Variants in CSMD1 observed in about 807,000 individuals in gnomAD.
CSMD1 encodes CUB and sushi domain-containing protein 1.
In CSMD1, 213 loss-of-function variants were observed where a neutral mutation model predicts 417.5. The ratio of observed to expected loss-of-function variants is 0.51; its 90% confidence interval spans 0.46 to 0.57. The LOEUF is 0.57. CSMD1 is among the 20% of genes least tolerant of loss of function. The probability of loss-of-function intolerance (pLI) is 0.00; values close to 1 mark genes in which losing one functional copy is unlikely to be tolerated. For missense variants in CSMD1, 6,923 were observed against 4,529.7 expected (o/e 1.53, Z -15.17); for synonymous variants, 2,862 against 1,736.8 (o/e 1.65, Z -16.11).
At chr8:4,739,737 G>A (rs187781723) in intron 1 of CSMD1, among the ~76,000 whole-genome samples, 7 of 152,138 alleles carry the variant, frequency 4.6e-5, no homozygotes, top group African/African-American at 1.2e-4. Context: ...GTGGTACTTT[G>A]CTCCCTATCC....
chr8:3,979,826 A>C (rs1813720724), intron 5 of CSMD1, among the ~76,000 whole-genome samples: 1 of 152,196 alleles, frequency 6.6e-6, no homozygotes, highest in Admixed American at 6.5e-5. Flanking sequence ...CCCATGAAGA[A>C]AATGTAGAGA....
At chr8:4,039,371 C>T (rs901447991) in intron 3 of CSMD1, among the ~76,000 whole-genome samples, 1 of 152,194 alleles carries the variant, frequency 6.6e-6, no homozygotes, top group Non-Finnish European at 1.5e-5. Context: ...CCCACTCTCT[C>T]TCCTGGCTTT....
intron 7 of CSMD1, among the ~76,000 whole-genome samples, chr8:3,698,171 A>T (rs1416728856): frequency 6.6e-6 from 1 of 152,150 alleles, no homozygotes. Context: ...AGTCCCCTTC[A>T]CAGCAATATT....
chr8:3,663,089 C>A (rs907979086), intron 7 of CSMD1, among the ~76,000 whole-genome samples: 1 of 152,108 alleles, frequency 6.6e-6, no homozygotes, highest in African/African-American at 2.4e-5. Context: ...CAGAGCCCCA[C>A]AGAACTGCCC....
intron 10 of CSMD1, among the ~76,000 whole-genome samples, chr8:3,505,872 T>C (rs551272338): frequency 1.3e-5 from 2 of 152,300 alleles, no homozygotes; most frequent in Admixed American, 6.5e-5. Context: ...GAACTTCAAA[T>C]AATAAGATTA....
At chr8:3,726,068 T>C (rs1802477352) in intron 6 of CSMD1, among the ~76,000 whole-genome samples, 1 of 152,046 alleles carries the variant, frequency 6.6e-6, no homozygotes, top group South Asian at 2.1e-4. Flanking sequence ...TCAACAGCCA[T>C]GCCATGAGGG....
intron 1 of CSMD1, among the ~76,000 whole-genome samples, chr8:4,962,588 G>A (rs1225373453): frequency 1.3e-5 from 2 of 152,092 alleles, no homozygotes; most frequent in East Asian, 1.9e-4. Flanking sequence ...ATAATCAGAT[G>A]GGTATTTGAT....
rs1563090576 is a variant in CSMD1, at chr8:3,493,315, G to GAAAA, written c.1448+307_1448+308insTTTT. On this transcript the variant is annotated intron_variant, in intron 11 of 69. Transcript: ENST00000635120. ...TCTCAAAAAAAAAAAAAAAAAAAGG[G>GAAAA]GGGGCGGAGGGGTTGATTTGAAAAA... Among the ~76,000 whole-genome samples the GAAAA allele has an allele frequency of 2.6e-4, 38 of 148,164 alleles. 1 individual carries two copies. Among genetic ancestry groups the GAAAA allele is most frequent in the African/African-American group, 7.8e-4 (31 of 39,762 alleles).
chr8:3,349,083 A>G (rs1212597252), intron 21 of CSMD1, among the ~76,000 whole-genome samples: 1 of 152,238 alleles, frequency 6.6e-6, no homozygotes, highest in Non-Finnish European at 1.5e-5. Context: ...CAGCACACCG[A>G]TGTAAACATC....
At chr8:3,628,283 G>C (rs1380016848) in intron 7 of CSMD1, among the ~76,000 whole-genome samples, 3 of 151,974 alleles carry the variant, frequency 2.0e-5, no homozygotes, top group Non-Finnish European at 4.4e-5. Context: ...AATCACAAAA[G>C]CCCAGCAGAG....
intron 50 of CSMD1, among the ~76,000 whole-genome samples, chr8:3,031,709 T>G (rs1810351831): frequency 6.6e-6 from 1 of 151,986 alleles, no homozygotes; most frequent in African/African-American, 2.4e-5. Context: ...AAAATTCCAA[T>G]TTGGTTCACA....
chr8:4,554,747 T>G (rs1430940635), intron 2 of CSMD1, among the ~76,000 whole-genome samples: 1 of 152,198 alleles, frequency 6.6e-6, no homozygotes, highest in Non-Finnish European at 1.5e-5. Flanking sequence ...TATTCGAACT[T>G]TATTGAGTGC....
intron 10 of CSMD1, among the ~76,000 whole-genome samples, chr8:3,504,114 G>A (rs980053230): frequency 5.9e-5 from 9 of 152,020 alleles, no homozygotes; most frequent in Non-Finnish European, 1.3e-4. Context: ...CCAACACAAA[G>A]AAATGATGAA....
intron 5 of CSMD1, among the ~76,000 whole-genome samples, chr8:3,970,805 T>C (rs1813028873): frequency 6.6e-6 from 1 of 152,028 alleles, no homozygotes; most frequent in African/African-American, 2.4e-5. Flanking sequence ...CAGGCTGGAG[T>C]CCAGGGGCAC....
At chr8:3,525,686 G>T (rs1156706071) in intron 10 of CSMD1, among the ~76,000 whole-genome samples, 1 of 152,176 alleles carries the variant, frequency 6.6e-6, no homozygotes, top group Admixed American at 6.5e-5. Flanking sequence ...GCTGCTCTAT[G>T]TACCCAGCTT....
chr8:3,108,282 A>G (rs1432793393), intron 44 of CSMD1, among the ~76,000 whole-genome samples: 1 of 152,200 alleles, frequency 6.6e-6, no homozygotes, highest in Non-Finnish European at 1.5e-5. Context: ...GTTACATGAC[A>G]TTTGCTATAA....
intron 26 of CSMD1, among the ~76,000 whole-genome samples, chr8:3,243,129 G>T (rs1272078048): frequency 3.3e-5 from 5 of 152,170 alleles, no homozygotes; most frequent in Non-Finnish European, 5.9e-5. Flanking sequence ...AAGTGGTTGA[G>T]GGATAGTGAG....
At chr8:4,301,961 G>C (rs1485255199) in intron 3 of CSMD1, among the ~76,000 whole-genome samples, 4 of 152,034 alleles carry the variant, frequency 2.6e-5, no homozygotes, top group African/African-American at 9.7e-5. Flanking sequence ...ATCCTTCTTA[G>C]TGCCTCAAAC....
At chr8:3,556,415 T>TATATATATATATATATATATATACATA (rs1799148435) in intron 10 of CSMD1, among the ~76,000 whole-genome samples, 2 of 57,118 alleles carry the variant, frequency 3.5e-5, no homozygotes, top group African/African-American at 1.2e-4. Context: ...ATATATATAT[T>TATATATATATATATATATATATACATA]CACACACACA....
Sources: allele counts gnomAD v4.1 joint callset (sites outside exome capture counted in the v4.1 genomes callset), GRCh38; gene constraint gnomAD v4.1.1; transcripts MANE v1.5; gene names NCBI Gene and HGNC (gene_info 2026-07-23, HGNC 2026-07-21).